Variants in MYO10 observed in about 807,000 individuals in gnomAD.
MYO10 encodes myosin X.
In MYO10, 133 loss-of-function variants were observed where a neutral mutation model predicts 257.3. The ratio of observed to expected loss-of-function variants is 0.52; its 90% CI spans 0.45 to 0.60. MYO10 has a LOEUF of 0.60. Ranked by LOEUF, MYO10 falls within the 20% of genes least tolerant of loss-of-function variation. The pLI is 0.00. For synonymous variants in MYO10, 1,104 were observed against 1,028.6 expected (o/e 1.07, Z -1.40); for missense variants, 2,399 against 2,635.7 (o/e 0.91, Z 1.97).
At position 16,787,497 on chromosome 5, in the gene MYO10, A is replaced by AATT. The variant is rs757570697; in HGVS notation, c.468-4031_468-4029dup. 1.8e-3 allele frequency among the ~76,000 whole-genome samples: 273 copies of AATT among 152,214 alleles called. 1 individual carries two copies. In the Middle Eastern group the frequency reaches 0.02, roughly 11 times the overall value. ...CACTTGGTCCTCATTAGCCCAAGGC[A>AATT]ATTACAGTTCTATGCCTTGTGCCAG... On this transcript the variant is annotated intron_variant, in intron 4 of 40. Coordinates refer to ENST00000513610, the MANE Select transcript of MYO10 (RefSeq NM_012334.3).
At chr5:16,825,064 T>C (rs755637011) in intron 2 of MYO10, among the ~76,000 whole-genome samples, 10 of 152,204 alleles carry the variant, frequency 6.6e-5, no homozygotes, top group Non-Finnish European at 1.5e-4. Flanking sequence ...GATTTTCTAA[T>C]TGTACTGCAT....
intron 17 of MYO10, among the ~76,000 whole-genome samples, chr5:16,759,066 C>T (rs1209832514): frequency 3.9e-5 from 6 of 151,978 alleles, no homozygotes; most frequent in African/African-American, 1.2e-4. Context: ...GGATTATAGG[C>T]GCCTGCCATC....
At position 16,822,396 on chromosome 5, in the gene MYO10, A is replaced by G. The variant is rs139909740; in HGVS notation, c.121-4229T>C. The stretch of plus-strand genomic sequence containing the variant: ...TCTAGGCACTGGGGATCGAGCTTAC[A>G]TTCCAATTCAAGGGAAGAAAATAAA... On this transcript the variant is annotated intron_variant, in intron 2 of 40. Coordinates refer to ENST00000513610, the MANE Select transcript of MYO10 (RefSeq NM_012334.3). Among the ~76,000 whole-genome samples the G allele has an allele frequency of 7.9e-5, 12 of 152,314 alleles. No homozygotes were observed. The East Asian group carries it at 2.3e-3, about 29-fold the overall frequency.
At chr5:16,848,155 C>CTTTTTTTTTTTTTTTTCTT (rs1554002457) in intron 2 of MYO10, among the ~76,000 whole-genome samples, 2,163 of 113,374 alleles carry the variant, frequency 0.019, 162 homozygotes, top group African/African-American at 0.078. Flanking sequence ...CTACACATTT[C>CTTTTTTTTTTTTTTTTCTT]TTTTTTTTTT....
chr5:16,890,232 T>C (rs1016129842), intron 1 of MYO10, among the ~76,000 whole-genome samples: 1 of 151,766 alleles, frequency 6.6e-6, no homozygotes, highest in Admixed American at 6.6e-5. Context: ...AAATGACACA[T>C]AATGTGTTGG....
At position 16,701,437 on chromosome 5, in the gene MYO10, C is replaced by G. The variant is rs1438599810; in HGVS notation, c.2958G>C (p.Gln986His). 6.2e-7 allele frequency: 1 copy of G among 1,614,024 alleles called. No individual in the cohort carries two copies. ...CATCGACCTCCTCCTCTGGGTAGGG[C>G]TGGCTGAAGTTGAAGTTGGGCTTCT... is the stretch of plus-strand genomic sequence containing the variant. ...CEEKPNFNFS[Q>H]PYPEEEVDEG... Residue 986 changes from glutamine (Q) to histidine (H), a missense_variant, in exon 25 of 41, where the codon CAG (glutamine) becomes CAC (histidine). By Grantham distance (24) the Gln-to-His change is conservative. This residue lies in a region of MYO10 where 1,820 missense variants were observed against 1,939.4 expected (regional missense o/e 0.94). Transcript: ENST00000513610. The surrounding 1 kb of genome is among the most constrained non-coding windows in gnomAD (Gnocchi z 8.1).
At chr5:16,820,981 ATT>A (rs1430773565) in intron 2 of MYO10, among the ~76,000 whole-genome samples, 2 of 147,364 alleles carry the variant, frequency 1.4e-5, no homozygotes, top group East Asian at 2.0e-4. Flanking sequence ...TCTTATATAT[ATT>A]ATATAAGATC....
intron 3 of MYO10, among the ~76,000 whole-genome samples, chr5:16,800,254 T>C (rs1489825134): frequency 1.3e-5 from 2 of 152,062 alleles, no homozygotes; most frequent in Non-Finnish European, 2.9e-5. Flanking sequence ...TTACTACACA[T>C]TGTCAATAAA....
intron 33 of MYO10, among the ~76,000 whole-genome samples, chr5:16,676,662 G>A (rs1197726765): frequency 6.6e-6 from 1 of 152,182 alleles, no homozygotes; most frequent in Admixed American, 6.5e-5. Flanking sequence ...GTTGCAGTGA[G>A]CCAAGATCAT....
chr5:16,683,414 C>T (rs1737099455), intron 30 of MYO10, among the ~76,000 whole-genome samples: 1 of 152,176 alleles, frequency 6.6e-6, no homozygotes, highest in African/African-American at 2.4e-5. Flanking sequence ...AAAAGGGTGC[C>T]AAGAAAGAAG....
In MYO10 at chr5:16,685,732, C is replaced by A; in HGVS notation, c.3990+6G>T. 1 of 1,591,342 alleles carries A rather than the reference C, an allele frequency of 6.3e-7. No individual in the cohort carries two copies. Among genetic ancestry groups the A allele is most frequent in the Non-Finnish European group, 8.6e-7 (1 of 1,169,098 alleles). On this transcript the variant is annotated splice_donor_region_variant and intron_variant, in intron 29 of 40. Transcript: ENST00000513610. Reference sequence around the variant, plus strand: ...CCCACCCCCATCCCACACAGTGCTCCCGTACCACAGCATTCTGTGGGTTTG... The same window carrying A: ...CCCACCCCCATCCCACACAGTGCTCACGTACCACAGCATTCTGTGGGTTTG...
intron 1 of MYO10, among the ~76,000 whole-genome samples, chr5:16,886,515 G>C (rs1744901634): frequency 6.6e-6 from 1 of 152,174 alleles, no homozygotes. Context: ...TCCCCAGACT[G>C]GCCTATTGCT....
At chr5:16,922,303 T>C (rs1458747305) in intron 1 of MYO10, among the ~76,000 whole-genome samples, 2 of 151,996 alleles carry the variant, frequency 1.3e-5, no homozygotes, top group African/African-American at 4.8e-5. Flanking sequence ...GGGGGAAAAC[T>C]TCCAGAGGGC....
chr5:16,861,130 T>C (rs1013771523), intron 2 of MYO10, among the ~76,000 whole-genome samples: 9 of 152,014 alleles, frequency 5.9e-5, no homozygotes, highest in African/African-American at 1.9e-4. Flanking sequence ...CAGTGAATTA[T>C]TACGTGCAGT....
At chr5:16,913,907 C>G (rs1166897675) in intron 1 of MYO10, among the ~76,000 whole-genome samples, 1 of 152,068 alleles carries the variant, frequency 6.6e-6, no homozygotes, top group Admixed American at 6.6e-5. Flanking sequence ...CAAGAGGCAC[C>G]AGGAGGAGGA....
chr5:16,921,073 G>A (rs796666727), intron 1 of MYO10, among the ~76,000 whole-genome samples: 3 of 151,852 alleles, frequency 2.0e-5, no homozygotes, highest in South Asian at 4.2e-4. Context: ...AGCCAAGATC[G>A]CACCACTGCA....
At chr5:16,807,408 C>T (rs762319423) in intron 3 of MYO10, among the ~76,000 whole-genome samples, 1 of 152,182 alleles carries the variant, frequency 6.6e-6, no homozygotes, top group Non-Finnish European at 1.5e-5. Context: ...AAACACTTAG[C>T]ATCTACCTCT....
At chr5:16,783,238 G>C in intron 5 of MYO10, 97 bp downstream of exon 5, 3 of 1,249,252 alleles carry the variant, frequency 2.4e-6, no homozygotes, top group South Asian at 1.6e-5. Flanking sequence ...TCAAGAAAAA[G>C]AGAAACGCGA....
intron 2 of MYO10, among the ~76,000 whole-genome samples, chr5:16,869,549 A>T (rs976340420): frequency 6.6e-5 from 10 of 152,132 alleles, no homozygotes; most frequent in African/African-American, 2.4e-4. Context: ...AGCCTAGATG[A>T]CAGAGCAAGA....
Sources: allele counts gnomAD v4.1 joint callset (sites outside exome capture counted in the v4.1 genomes callset), GRCh38; gene constraint gnomAD v4.1.1; regional missense constraint gnomAD v4.1.1; non-coding constraint Gnocchi (gnomAD v3.1); transcripts MANE v1.5; gene names NCBI Gene and HGNC (gene_info 2026-07-23, HGNC 2026-07-21).